Variants in DHRSX observed in about 807,000 individuals in gnomAD.
The protein encoded by DHRSX is polyprenol dehydrogenase.
Under a neutral mutation model 34.0 loss-of-function variants are expected in DHRSX, and 31 were observed. That is an observed-to-expected ratio of 0.91 (90% confidence interval 0.69 to 1.23). The LOEUF (loss-of-function observed/expected upper bound fraction) is 1.23. DHRSX is among the 50% of genes most tolerant of loss of function. DHRSX has a pLI of 0.00. For synonymous variants in DHRSX, 201 were observed against 183.8 expected (o/e 1.09, Z -0.76); for missense variants, 414 against 428.1 (o/e 0.97, Z 0.29).
chrX:2,481,073 T>C (rs1168848427), intron 1 of DHRSX, among the ~76,000 whole-genome samples: 1 of 152,148 alleles, frequency 6.6e-6, no homozygotes, highest in Non-Finnish European at 1.5e-5. Flanking sequence ...TTAATTAGCT[T>C]GATTATTGAT....
intron 6 of DHRSX, among the ~76,000 whole-genome samples, chrX:2,241,935 A>C: frequency 6.6e-6 from 1 of 152,154 alleles, no homozygotes; most frequent in East Asian, 1.9e-4. Flanking sequence ...ACAAACAACA[A>C]TAACAAAAAA....
chrX:2,298,616 A>ACACACGTACACACGCG (rs2041968892), intron 3 of DHRSX, among the ~76,000 whole-genome samples: 1 of 138,302 alleles, frequency 7.2e-6, no homozygotes, highest in African/African-American at 3.3e-5. Context: ...ACACACACAC[A>ACACACGTACACACGCG]CACACACACA....
chrX:2,481,471 G>A (rs2044769578), intron 1 of DHRSX, among the ~76,000 whole-genome samples: 2 of 152,122 alleles, frequency 1.3e-5, no homozygotes, highest in South Asian at 4.2e-4. Context: ...TTCCAGACCA[G>A]CTTTACCAAT....
intron 3 of DHRSX, among the ~76,000 whole-genome samples, chrX:2,331,221 C>T (rs62583703): frequency 0.76 from 115,482 of 151,866 alleles, 44,977 homozygotes; most frequent in African/African-American, 0.87. Flanking sequence ...AGGAGTTCAG[C>T]CCCATCTTCA....
At chrX:2,441,135 T>C (rs1569501635) in intron 1 of DHRSX, among the ~76,000 whole-genome samples, 2 of 152,180 alleles carry the variant, frequency 1.3e-5, no homozygotes, top group Admixed American at 6.6e-5. Flanking sequence ...CAGGGTGCAA[T>C]GATCACACCT....
intron 3 of DHRSX, among the ~76,000 whole-genome samples, chrX:2,404,389 C>A (rs1381776402): frequency 6.6e-6 from 1 of 152,116 alleles, no homozygotes; most frequent in African/African-American, 2.4e-5. Context: ...GGGAATAGGA[C>A]CCCCTGTCAC....
chrX:2,271,966 G>A (rs2041561702), intron 4 of DHRSX, among the ~76,000 whole-genome samples: 1 of 151,144 alleles, frequency 6.6e-6, no homozygotes, highest in Non-Finnish European at 1.5e-5. Context: ...GCTTGAACCT[G>A]GGAGGCAGAG....
intron 1 of DHRSX, chrX:2,490,142 C>G (rs766125925): frequency 1.2e-6 from 2 of 1,613,964 alleles, no homozygotes; most frequent in Non-Finnish European, 1.7e-6. Context: ...GATGCCACAC[C>G]AGGTGGCCTC....
chrX:2,393,996 T>A (rs7391723), intron 3 of DHRSX, among the ~76,000 whole-genome samples: 1 of 152,046 alleles, frequency 6.6e-6, no homozygotes, highest in African/African-American at 2.4e-5. Context: ...CATGGTAGGA[T>A]CCCTGGCAAT....
intron 3 of DHRSX, among the ~76,000 whole-genome samples, chrX:2,387,468 T>G (rs1291171716): frequency 6.6e-6 from 1 of 152,136 alleles, no homozygotes; most frequent in Non-Finnish European, 1.5e-5. Flanking sequence ...CTGAAGAACT[T>G]GGAGTCCAGT....
In DHRSX at chrX:2,414,429, T is replaced by C. The variant is rs193214798; in HGVS notation, c.218-5616A>G. Among the ~76,000 whole-genome samples the C allele has an allele frequency of 1.0e-3, 156 of 151,712 alleles. 1 individual carries two copies. The highest frequency in any genetic ancestry group is 2.3e-3 in the Admixed American group (35 of 15,228). ...AAATCTCCTCATACCCTAACCCAAC[T>C]AGAACTCATCATGACCTAACCAAAC... is the stretch of plus-strand genomic sequence containing the variant. On this transcript the variant is annotated intron_variant, in intron 2 of 6. Coordinates refer to ENST00000334651, the MANE Select transcript of DHRSX (RefSeq NM_145177.3).
chrX:2,222,759 T>A (rs1039704397), intron 6 of DHRSX, among the ~76,000 whole-genome samples: 27 of 152,190 alleles, frequency 1.8e-4, no homozygotes, highest in Non-Finnish European at 3.5e-4. Flanking sequence ...GGGTGGACTC[T>A]GTGGGGTGGC....
chrX:2,455,321 T>C (rs935401629), intron 1 of DHRSX, among the ~76,000 whole-genome samples: 8 of 151,502 alleles, frequency 5.3e-5, no homozygotes, highest in Admixed American at 2.0e-4. Flanking sequence ...AACGAGAGGA[T>C]TGAAAAATTA....
intron 3 of DHRSX, among the ~76,000 whole-genome samples, chrX:2,349,173 C>A (rs1391432148): frequency 6.6e-6 from 1 of 152,058 alleles, no homozygotes; most frequent in Admixed American, 6.6e-5. Context: ...AAAGATAAAT[C>A]GGTCTATGAG....
At chrX:2,390,438 G>A (rs2043322535) in intron 3 of DHRSX, among the ~76,000 whole-genome samples, 1 of 97,882 alleles carries the variant, frequency 1.0e-5, no homozygotes, top group Non-Finnish European at 1.9e-5. Context: ...ATGCCCAGCT[G>A]CATTTTTTTT....
intron 1 of DHRSX, among the ~76,000 whole-genome samples, chrX:2,458,651 A>G (rs1462779549): frequency 6.7e-6 from 1 of 149,244 alleles, no homozygotes; most frequent in African/African-American, 2.5e-5. Flanking sequence ...AGAGAGTGCA[A>G]TGGTGGTTGC....
intron 4 of DHRSX, among the ~76,000 whole-genome samples, chrX:2,289,691 T>C (rs902483430): frequency 5.3e-5 from 8 of 152,200 alleles, no homozygotes; most frequent in African/African-American, 1.9e-4. Flanking sequence ...ATTTGGTGAC[T>C]TATAATGCTA....
At chrX:2,378,794 C>G (rs2124608206) in intron 3 of DHRSX, among the ~76,000 whole-genome samples, 1 of 152,092 alleles carries the variant, frequency 6.6e-6, no homozygotes, top group African/African-American at 2.4e-5. Flanking sequence ...CCTCAGCCCC[C>G]CGAGTAGCTG....
At chrX:2,259,395 G>C (rs1473514023) in intron 5 of DHRSX, among the ~76,000 whole-genome samples, 1 of 124,106 alleles carries the variant, frequency 8.1e-6, no homozygotes, top group African/African-American at 3.9e-5. Flanking sequence ...TAGATATATA[G>C]ATATATATAT....
Sources: allele counts gnomAD v4.1 joint callset (sites outside exome capture counted in the v4.1 genomes callset), GRCh38; gene constraint gnomAD v4.1.1; transcripts MANE v1.5; gene names NCBI Gene and HGNC (gene_info 2026-07-23, HGNC 2026-07-21).